JAZF1: variants seen among roughly 807,000 people sequenced by gnomAD.
The protein encoded by JAZF1 is juxtaposed with another zinc finger protein 1.
Under a neutral mutation model 26.4 loss-of-function variants are expected in JAZF1, and 8 were observed. That is an observed-to-expected ratio of 0.30 (90% CI 0.18 to 0.55). The LOEUF is 0.55. Ranked by LOEUF, JAZF1 falls within the 20% of genes least tolerant of loss-of-function variation. JAZF1 has a pLI of 0.94. For synonymous variants in JAZF1, 126 were observed against 122.3 expected (o/e 1.03, Z -0.20); for missense variants, 199 against 322.0 (o/e 0.62, Z 2.92).
intron 1 of JAZF1, among the ~76,000 whole-genome samples, chr7:28,001,523 GC>G (rs1230758183): frequency 1.3e-5 from 2 of 152,122 alleles, no homozygotes; most frequent in Admixed American, 1.3e-4. Context: ...ATTTACATAA[GC>G]CTTGAACTAA....
chr7:28,135,209 T>A (rs1242658793), intron 1 of JAZF1, among the ~76,000 whole-genome samples: 1 of 152,218 alleles, frequency 6.6e-6, no homozygotes, highest in Non-Finnish European at 1.5e-5. Context: ...TGTGAACATG[T>A]AAACATGGAC....
intron 1 of JAZF1, among the ~76,000 whole-genome samples, chr7:28,102,416 T>C (rs1784487225): frequency 6.6e-6 from 1 of 152,220 alleles, no homozygotes; most frequent in Non-Finnish European, 1.5e-5. Context: ...CCCATAAGTA[T>C]CACTCTCTGA....
intron 1 of JAZF1, among the ~76,000 whole-genome samples, chr7:28,112,065 T>G (rs1379103054): frequency 6.6e-6 from 1 of 152,242 alleles, no homozygotes; most frequent in African/African-American, 2.4e-5. Flanking sequence ...AAAGGATACT[T>G]GAAACGTCCC....
chr7:27,976,029 TC>T (rs1331237001), intron 2 of JAZF1, among the ~76,000 whole-genome samples: 1 of 152,132 alleles, frequency 6.6e-6, no homozygotes, highest in Non-Finnish European at 1.5e-5. Flanking sequence ...CCTTCCAGCT[TC>T]CCAGTGTCCC....
At chr7:28,071,540 C>T (rs1277774750) in intron 1 of JAZF1, 3 of 459,462 alleles carry the variant, frequency 6.5e-6, no homozygotes, top group African/African-American at 2.0e-5. Flanking sequence ...TATTAATACA[C>T]AAAAGTTAGT....
chr7:27,928,405 GA>G (rs1784631665), intron 2 of JAZF1, among the ~76,000 whole-genome samples: 1 of 152,224 alleles, frequency 6.6e-6, no homozygotes, highest in African/African-American at 2.4e-5. Context: ...TTTCCCAATG[GA>G]AAGCCAATTG....
chr7:28,023,898 T>C (rs542706692), intron 1 of JAZF1, among the ~76,000 whole-genome samples: 36 of 152,280 alleles, frequency 2.4e-4, no homozygotes, highest in African/African-American at 7.9e-4. Context: ...AAAAACACTA[T>C]ATTAACCTAC....
chr7:27,952,547 A>C (rs1056545103), intron 2 of JAZF1, among the ~76,000 whole-genome samples: 12 of 152,252 alleles, frequency 7.9e-5, no homozygotes, highest in African/African-American at 2.9e-4. Context: ...AACAGCTGAA[A>C]TACAGATCTG....
At chr7:28,097,067 TA>T (rs1784398506) in intron 1 of JAZF1, among the ~76,000 whole-genome samples, 1 of 152,168 alleles carries the variant, frequency 6.6e-6, no homozygotes, top group South Asian at 2.1e-4. Flanking sequence ...GGTTTTTAAC[TA>T]ACTCTTTAAA....
intron 3 of JAZF1, among the ~76,000 whole-genome samples, chr7:27,890,385 T>A (rs1298705267): frequency 6.6e-6 from 1 of 152,230 alleles, no homozygotes; most frequent in Non-Finnish European, 1.5e-5. Flanking sequence ...GCTGTTTGAA[T>A]GGTAGAGCTG....
intron 1 of JAZF1, among the ~76,000 whole-genome samples, chr7:28,051,640 T>C (rs1166067364): frequency 6.6e-6 from 1 of 152,176 alleles, no homozygotes; most frequent in Admixed American, 6.5e-5. Context: ...GTTTCACTTA[T>C]AACCAAGGCG....
At chr7:28,149,069 C>T (rs1241670154) in intron 1 of JAZF1, among the ~76,000 whole-genome samples, 1 of 152,164 alleles carries the variant, frequency 6.6e-6, no homozygotes, top group East Asian at 1.9e-4. Context: ...TCTTTGTCTC[C>T]TGGCATTACG....
intron 1 of JAZF1, among the ~76,000 whole-genome samples, chr7:28,103,968 C>T (rs911899474): frequency 2.0e-5 from 3 of 152,210 alleles, no homozygotes; most frequent in Non-Finnish European, 2.9e-5. Context: ...AACTGGCCTA[C>T]GTGGGTGCCC....
chr7:27,990,061 T>G (rs898329456), intron 2 of JAZF1, among the ~76,000 whole-genome samples: 6 of 152,122 alleles, frequency 3.9e-5, no homozygotes, highest in African/African-American at 1.4e-4. Context: ...TAGACTGGAT[T>G]AAGAAAATGT....
intron 1 of JAZF1, among the ~76,000 whole-genome samples, chr7:27,995,800 CTT>C (rs1786003850): frequency 6.6e-6 from 1 of 152,116 alleles, no homozygotes; most frequent in South Asian, 2.1e-4. Context: ...GTCCTAGTAA[CTT>C]ATGGTTTTAC....
At chr7:27,899,099 TTC>T (rs1427740250) in intron 2 of JAZF1, among the ~76,000 whole-genome samples, 1 of 152,254 alleles carries the variant, frequency 6.6e-6, no homozygotes, top group African/African-American at 2.4e-5. Flanking sequence ...TTAACCCATT[TTC>T]TGAGACTTAA....
intron 2 of JAZF1, among the ~76,000 whole-genome samples, chr7:27,986,989 T>C (rs1785729749): frequency 6.6e-6 from 1 of 152,096 alleles, no homozygotes; most frequent in Non-Finnish European, 1.5e-5. Context: ...TGCAGTGGCG[T>C]GATCTCGGCT....
chr7:27,927,493 T>C (rs1478622443), intron 2 of JAZF1, among the ~76,000 whole-genome samples: 2 of 152,068 alleles, frequency 1.3e-5, no homozygotes, highest in Admixed American at 6.5e-5. Flanking sequence ...ATCTTCCTTA[T>C]AGTGTTGTTG....
chr7:27,975,819 A>G (rs1447078627), intron 2 of JAZF1, among the ~76,000 whole-genome samples: 3 of 152,234 alleles, frequency 2.0e-5, no homozygotes, highest in African/African-American at 7.2e-5. Context: ...AAATGGTCTG[A>G]TGTGATTTCA....
Sources: allele counts gnomAD v4.1 joint callset (sites outside exome capture counted in the v4.1 genomes callset), GRCh38; gene constraint gnomAD v4.1.1; transcripts MANE v1.5; gene names NCBI Gene and HGNC (gene_info 2026-07-23, HGNC 2026-07-21).